RBM6: variants seen among roughly 807,000 people sequenced by gnomAD.
RBM6 encodes RNA binding motif protein 6.
RBM6 carries 23 observed loss-of-function variants against 140.4 expected under a neutral mutation model. The observed-to-expected ratio is 0.16, with a 90% CI of 0.12 to 0.23. The LOEUF (loss-of-function observed/expected upper bound fraction) is 0.23. Ranked by LOEUF, RBM6 falls within the 10% of genes least tolerant of loss-of-function variation. The probability of loss-of-function intolerance (pLI) is 1.00; values close to 1 mark genes in which losing one functional copy is unlikely to be tolerated. For missense variants in RBM6, 1,139 were observed against 1,386.7 expected, an observed-to-expected ratio of 0.82 and a Z score of 2.84; for synonymous variants, 439 against 475.6, an observed-to-expected ratio of 0.92 and a Z score of 1.00.
In RBM6 at chr3:49,988,717, C is replaced by T. The variant is rs77504019; in HGVS notation, c.1484-10723C>T. Among the ~76,000 whole-genome samples, 897 of 152,216 alleles carry T rather than the reference C, an allele frequency of 5.9e-3. 10 individuals are homozygous for T. The highest frequency in any genetic ancestry group is 0.02 in the African/African-American group (845 of 41,540). ...TGCATGGTGGCTAATGCCTGTAAAT[C>T]CCTATATGCTGGGAGGCTGAGGCAG... is the stretch of plus-strand genomic sequence containing the variant. On this transcript the variant is annotated intron_variant, in intron 5 of 20. Transcript: ENST00000266022.
chr3:49,957,520 A>G (rs2108603484), intron 1 of RBM6, among the ~76,000 whole-genome samples: 1 of 152,082 alleles, frequency 6.6e-6, no homozygotes, highest in East Asian at 1.9e-4. Context: ...GTATATTCTA[A>G]AGATATGTTC....
At chr3:49,961,713 C>T (rs1470807856) in intron 1 of RBM6, among the ~76,000 whole-genome samples, 3 of 150,690 alleles carry the variant, frequency 2.0e-5, no homozygotes, top group African/African-American at 4.9e-5. Flanking sequence ...GCAGAAGAAT[C>T]GCTCGAACCG....
At chr3:50,028,502 A>G (rs1368662078) in intron 6 of RBM6, among the ~76,000 whole-genome samples, 1 of 152,154 alleles carries the variant, frequency 6.6e-6, no homozygotes, top group African/African-American at 2.4e-5. Context: ...TCCTAGTAAA[A>G]TACTTCTTGT....
At chr3:50,054,201 G>A (rs1559636060) in intron 7 of RBM6, 134 bp from the exon 8 acceptor site, 8 of 730,658 alleles carry the variant, frequency 1.1e-5, no homozygotes, top group Non-Finnish European at 1.9e-5. Flanking sequence ...GGGAATATCA[G>A]ATTCTTTTTT....
chr3:50,076,712 C>A (rs2090471170), intron 20 of RBM6, among the ~76,000 whole-genome samples: 2 of 152,008 alleles, frequency 1.3e-5, no homozygotes, highest in African/African-American at 4.8e-5. Context: ...ATGGCGAAAC[C>A]CTGTCTCTAC....
intron 6 of RBM6, among the ~76,000 whole-genome samples, chr3:50,043,575 T>G (rs890174994): frequency 6.6e-6 from 1 of 151,392 alleles, no homozygotes; most frequent in Non-Finnish European, 1.5e-5. Flanking sequence ...TACACACATA[T>G]ATATATATGG....
At chr3:50,043,697 C>T (rs2089059338) in intron 6 of RBM6, among the ~76,000 whole-genome samples, 1 of 151,536 alleles carries the variant, frequency 6.6e-6, no homozygotes, top group African/African-American at 2.4e-5. Flanking sequence ...GGTTCTCCTG[C>T]CTCAGCCTCC....
At chr3:50,041,126 A>C (rs1468256877) in intron 6 of RBM6, among the ~76,000 whole-genome samples, 1 of 152,190 alleles carries the variant, frequency 6.6e-6, no homozygotes, top group Non-Finnish European at 1.5e-5. Context: ...TTTTAGTAAA[A>C]GTTTTTGTTG....
intron 1 of RBM6, among the ~76,000 whole-genome samples, chr3:49,959,921 A>G (rs577652348): frequency 1.7e-4 from 26 of 152,186 alleles, no homozygotes; most frequent in African/African-American, 5.3e-4. Context: ...ATGGCTTTCT[A>G]AATTTCACCA....
At chr3:49,945,184 T>TA (rs2108566644) in intron 1 of RBM6, among the ~76,000 whole-genome samples, 2 of 149,576 alleles carry the variant, frequency 1.3e-5, no homozygotes, top group Non-Finnish European at 3.0e-5. Context: ...CAATTTTTTT[T>TA]TTTTTTTTTT....
Position 50,058,526 on chromosome 3 carries a change from G to A in RBM6, c.2094G>A (p.Gly698=), listed in dbSNP as rs1379373892. ...TCAAGAACAGAACAGGCCCTATGGGGCATACCTATGGCTTTATTGACCTCG... is the reference window on the plus strand; with the variant it reads ...TCAAGAACAGAACAGGCCCTATGGGACATACCTATGGCTTTATTGACCTCG... The part of the protein sequence containing the change: ...RIIKNRTGPM[G]HTYGFIDLDS... Residue 698 remains glycine, a synonymous_variant, in exon 10 of 21, where the codon GGG becomes GGA. Coordinates refer to ENST00000266022, the MANE Select transcript of RBM6 (RefSeq NM_005777.3). The A allele has an allele frequency of 1.9e-6, 3 of 1,611,228 alleles. No homozygotes were observed. Among genetic ancestry groups the A allele is most frequent in the Non-Finnish European group, 1.7e-6 (2 of 1,177,414 alleles).
At chr3:50,033,413 C>G (rs551376420) in intron 6 of RBM6, among the ~76,000 whole-genome samples, 1 of 152,154 alleles carries the variant, frequency 6.6e-6, no homozygotes, top group Non-Finnish European at 1.5e-5. Context: ...CAGTACAAAA[C>G]TACTAAATTT....
intron 6 of RBM6, among the ~76,000 whole-genome samples, chr3:50,027,580 A>G (rs1343500333): frequency 6.6e-6 from 1 of 152,186 alleles, no homozygotes; most frequent in Non-Finnish European, 1.5e-5. Context: ...TTTCATATAA[A>G]TGGAATCATA....
intron 5 of RBM6, among the ~76,000 whole-genome samples, chr3:49,977,072 A>G (rs2085095829): frequency 1.3e-5 from 2 of 152,290 alleles, no homozygotes; most frequent in South Asian, 4.1e-4. Flanking sequence ...TGTTACTCCC[A>G]TGTCTAAAAC....
chr3:49,954,218 T>G (rs2083869185), intron 1 of RBM6, among the ~76,000 whole-genome samples: 3 of 151,336 alleles, frequency 2.0e-5, no homozygotes, highest in African/African-American at 7.3e-5. Context: ...GGCGGGCGGA[T>G]CACAAGGTCA....
chr3:49,996,773 C>A (rs2086107456), intron 5 of RBM6, among the ~76,000 whole-genome samples: 1 of 152,064 alleles, frequency 6.6e-6, no homozygotes, highest in African/African-American at 2.4e-5. Context: ...CATATGGGAC[C>A]CTTTCTGTAA....
chr3:50,045,249 A>C (rs914063978), intron 6 of RBM6, among the ~76,000 whole-genome samples: 1 of 152,198 alleles, frequency 6.6e-6, no homozygotes, highest in African/African-American at 2.4e-5. Flanking sequence ...AGTTGGTGAA[A>C]TCAGAATTTG....
At chr3:50,033,297 G>A (rs1056287734) in intron 6 of RBM6, among the ~76,000 whole-genome samples, 3 of 151,492 alleles carry the variant, frequency 2.0e-5, no homozygotes, top group East Asian at 1.9e-4. Context: ...ACTCTGTCTC[G>A]AAAAGAAAAA....
chr3:50,076,451 G>A (rs963590559), intron 20 of RBM6, among the ~76,000 whole-genome samples: 33 of 151,606 alleles, frequency 2.2e-4, no homozygotes, highest in Admixed American at 5.9e-4. Flanking sequence ...GTGCAGTGGC[G>A]CGCGCCTGTA....
Sources: allele counts gnomAD v4.1 joint callset (sites outside exome capture counted in the v4.1 genomes callset), GRCh38; gene constraint gnomAD v4.1.1; transcripts MANE v1.5; gene names NCBI Gene and HGNC (gene_info 2026-07-23, HGNC 2026-07-21).